Variants in JPH1 observed in about 807,000 individuals in gnomAD.
The protein encoded by JPH1 is junctophilin 1, also known as junctophilin-1.
Under a neutral mutation model 53.6 loss-of-function variants are expected in JPH1, and 12 were observed. The observed-to-expected ratio is 0.22, with a 90% CI of 0.14 to 0.36. The LOEUF is 0.36. Among genes scored for constraint, JPH1 ranks in the 10% least tolerant of loss-of-function variants. The pLI, the probability that JPH1 is intolerant of heterozygous loss-of-function variation, is 1.00. For missense variants in JPH1, 808 were observed against 905.5 expected (o/e 0.89, Z 1.38); for synonymous variants, 375 against 363.8 (o/e 1.03, Z -0.35).
At chr8:74,316,243 AAG>A (rs1461293302) in intron 1 of JPH1, among the ~76,000 whole-genome samples, 3 of 152,202 alleles carry the variant, frequency 2.0e-5, no homozygotes, top group African/African-American at 7.2e-5. Context: ...TTTTTGAGCT[AAG>A]AGAGAATCGA....
At chr8:74,242,740 A>C (rs955251039) in intron 4 of JPH1, among the ~76,000 whole-genome samples, 4 of 152,252 alleles carry the variant, frequency 2.6e-5, no homozygotes, top group African/African-American at 9.6e-5. Flanking sequence ...TCTAAAGCTC[A>C]GGGTAGCTGC....
chr8:74,314,921 A>G lies in JPH1; in HGVS notation c.1079T>C (p.Ile360Thr), dbSNP rs746994853. ...TKTREKVDRAIEGAQRAAAMA... is the reference protein window; with the variant it reads ...TKTREKVDRATEGAQRAAAMA... ...GGCAGCTGCCCTTTGGGCGCCTTCA[A>G]TTGCTCTGTCCACCTTCTCCCTAGT... Residue 360 changes from isoleucine (I) to threonine (T), a missense_variant, in exon 2 of 6, where the codon ATT becomes ACT. Physicochemically the swap from Ile to Thr is moderately conservative, Grantham distance 89. Transcript: ENST00000342232. 1.2e-6 allele frequency: 2 copies of G among 1,614,176 alleles called. No homozygotes were observed. Among genetic ancestry groups the G allele is most frequent in the Non-Finnish European group, 1.7e-6 (2 of 1,180,028 alleles).
At chr8:74,262,515 G>A (rs955973463) in intron 2 of JPH1, among the ~76,000 whole-genome samples, 1 of 152,132 alleles carries the variant, frequency 6.6e-6, no homozygotes, top group Non-Finnish European at 1.5e-5. Context: ...AGGGGAATAC[G>A]TGCCCCAAAA....
At chr8:74,270,149 A>T (rs1806657406) in intron 2 of JPH1, among the ~76,000 whole-genome samples, 2 of 152,244 alleles carry the variant, frequency 1.3e-5, no homozygotes, top group South Asian at 4.1e-4. Flanking sequence ...TTTAGGAAAC[A>T]TCTTACTAAA....
At chr8:74,308,437 A>T (rs187647402) in intron 2 of JPH1, among the ~76,000 whole-genome samples, 1 of 152,358 alleles carries the variant, frequency 6.6e-6, no homozygotes. Context: ...ATGAGAGCTA[A>T]GTTTCCATCT....
intron 2 of JPH1, among the ~76,000 whole-genome samples, chr8:74,286,643 A>G (rs926799629): frequency 6.6e-6 from 1 of 152,304 alleles, no homozygotes; most frequent in African/African-American, 2.4e-5. Context: ...CTGATTTATA[A>G]TTATGTCTGT....
intron 2 of JPH1, among the ~76,000 whole-genome samples, chr8:74,262,772 G>A (rs1377706041): frequency 2.0e-5 from 3 of 152,216 alleles, no homozygotes; most frequent in Non-Finnish European, 4.4e-5. Context: ...CATGCTGGCT[G>A]GGGAGACCTG....
intron 4 of JPH1, among the ~76,000 whole-genome samples, chr8:74,241,079 C>T (rs146417556): frequency 6.6e-6 from 1 of 152,222 alleles, no homozygotes; most frequent in East Asian, 1.9e-4. Flanking sequence ...CGCATACACA[C>T]ACACACATAT....
chr8:74,258,142 A>G (rs2975210), intron 3 of JPH1, among the ~76,000 whole-genome samples: 1 of 152,010 alleles, frequency 6.6e-6, no homozygotes, highest in Non-Finnish European at 1.5e-5. Context: ...GCCAAACATG[A>G]ATCGAACACC....
intron 2 of JPH1, among the ~76,000 whole-genome samples, chr8:74,274,314 A>G (rs1806787752): frequency 6.6e-6 from 1 of 152,244 alleles, no homozygotes; most frequent in Non-Finnish European, 1.5e-5. Flanking sequence ...CAATAATGAA[A>G]GGAAAAGTAA....
At chr8:74,308,603 A>G (rs144335082) in intron 2 of JPH1, among the ~76,000 whole-genome samples, 552 of 152,344 alleles carry the variant, frequency 3.6e-3, no homozygotes, top group African/African-American at 0.012. Context: ...TACAAAAGTG[A>G]GCAAAGCTGA....
intron 2 of JPH1, among the ~76,000 whole-genome samples, chr8:74,307,381 G>C (rs994416224): frequency 2.0e-5 from 3 of 152,176 alleles, no homozygotes; most frequent in African/African-American, 7.2e-5. Flanking sequence ...ATTGCTCCCT[G>C]TTCACCATAA....
intron 3 of JPH1, among the ~76,000 whole-genome samples, chr8:74,257,687 T>G (rs1382141237): frequency 6.6e-6 from 1 of 152,202 alleles, no homozygotes; most frequent in Non-Finnish European, 1.5e-5. Flanking sequence ...GGAGAGTTTA[T>G]TCCTACCAGA....
intron 4 of JPH1, among the ~76,000 whole-genome samples, chr8:74,238,405 G>A (rs115482048): frequency 1.3e-5 from 2 of 152,290 alleles, no homozygotes; most frequent in African/African-American, 2.4e-5. Flanking sequence ...TTCCCTGACT[G>A]AGCCCACATC....
At chr8:74,303,625 C>T (rs779186281) in intron 2 of JPH1, among the ~76,000 whole-genome samples, 13 of 152,052 alleles carry the variant, frequency 8.5e-5, no homozygotes, top group Non-Finnish European at 1.8e-4. Flanking sequence ...GCTCTGTCAC[C>T]CAAGATGGAA....
chr8:74,308,843 T>G (rs1018824674), intron 2 of JPH1, among the ~76,000 whole-genome samples: 1 of 152,188 alleles, frequency 6.6e-6, no homozygotes, highest in African/African-American at 2.4e-5. Flanking sequence ...GGCTGAGAGC[T>G]TCTTTCCAAC....
intron 3 of JPH1, among the ~76,000 whole-genome samples, chr8:74,258,308 C>T (rs1287530394): frequency 3.9e-5 from 6 of 152,024 alleles, no homozygotes; most frequent in African/African-American, 1.4e-4. Context: ...TCTGTTGATG[C>T]CTCAAACAAT....
At chr8:74,313,928 G>A (rs1433128476) in intron 2 of JPH1, among the ~76,000 whole-genome samples, 1 of 152,020 alleles carries the variant, frequency 6.6e-6, no homozygotes, top group Non-Finnish European at 1.5e-5. Context: ...TTCCCTAATA[G>A]AACTTTATTC....
intron 2 of JPH1, among the ~76,000 whole-genome samples, chr8:74,274,240 G>A (rs1806785738): frequency 1.3e-5 from 2 of 152,178 alleles, no homozygotes; most frequent in African/African-American, 4.8e-5. Context: ...TGGGAGAAAT[G>A]AGCCATGGCA....
Sources: allele counts gnomAD v4.1 joint callset (sites outside exome capture counted in the v4.1 genomes callset), GRCh38; gene constraint gnomAD v4.1.1; transcripts MANE v1.5; gene names NCBI Gene and HGNC (gene_info 2026-07-23, HGNC 2026-07-21).